The following CAMK1D variants were observed in gnomAD, a reference collection of about 807,000 sequenced individuals.
The protein encoded by CAMK1D is calcium/calmodulin dependent protein kinase ID, also known as calcium/calmodulin-dependent protein kinase type 1D.
Under a neutral mutation model 47.7 loss-of-function variants are expected in CAMK1D, and 9 were observed. The ratio of observed to expected loss-of-function variants is 0.19; its 90% CI spans 0.11 to 0.33. The LOEUF is 0.33. Among genes scored for constraint, CAMK1D ranks in the 10% least tolerant of loss-of-function variants. The probability of loss-of-function intolerance (pLI) is 1.00; values close to 1 mark genes in which losing one functional copy is unlikely to be tolerated. For missense variants in CAMK1D, 291 were observed against 488.7 expected (o/e 0.60, Z 3.81); for synonymous variants, 184 against 184.9 (o/e 0.99, Z 0.04).
In CAMK1D at chr10:12,349,795, T is replaced by A. The variant is rs1468015735; in HGVS notation, c.-24T>A. On this transcript the variant is annotated 5_prime_UTR_variant, in exon 1 of 11. Transcript: ENST00000619168. Reference sequence around the variant, plus strand: ...CCCTCCCCAGCGCGCCCCCGGCCGCTCCTCCGCGCCGCGCTCGTCGGCCAT... The same window carrying A: ...CCCTCCCCAGCGCGCCCCCGGCCGCACCTCCGCGCCGCGCTCGTCGGCCAT... The A allele has an allele frequency of 2.3e-6, 3 of 1,320,794 alleles. No individual in the cohort carries two copies. The highest frequency in any genetic ancestry group is 3.0e-6 in the Non-Finnish European group (3 of 1,008,934). 81.8% of individuals were successfully genotyped at this position (1,320,794 alleles called of 1,614,324 possible).
chr10:12,822,988 G>A (rs968783555), intron 8 of CAMK1D, among the ~76,000 whole-genome samples: 19 of 152,184 alleles, frequency 1.2e-4, no homozygotes, highest in Non-Finnish European at 2.5e-4. Flanking sequence ...AAAAGGTGGT[G>A]GGGGAGAGTT....
chr10:12,769,814 T>C lies in CAMK1D; in HGVS notation c.565+15T>C. 1.2e-6 allele frequency: 2 copies of C among 1,613,664 alleles called. No individual in the cohort carries two copies. ...AGGCTATGTCGGTAAGGACAGTGCA[T>C]GTGCACACATGTGCCCGTGTGTGTG... On this transcript the variant is annotated intron_variant, in intron 5 of 10. Transcript: ENST00000619168.
At chr10:12,719,976 C>A in intron 3 of CAMK1D, among the ~76,000 whole-genome samples, 1 of 152,180 alleles carries the variant, frequency 6.6e-6, no homozygotes, top group East Asian at 1.9e-4. Flanking sequence ...CTGGGCCCTG[C>A]CTTCTGAGAT....
Position 12,816,211 on chromosome 10 carries a change from G to T in CAMK1D, c.755-39G>T, listed in dbSNP as rs377252151. ...GGATCATATTGTCACATCTCAAGTCGCAAAGTGATTCCTTCCCTTGTGCCT... is the reference window on the plus strand; with the variant it reads ...GGATCATATTGTCACATCTCAAGTCTCAAAGTGATTCCTTCCCTTGTGCCT... On this transcript the variant is annotated intron_variant, in intron 7 of 10. Transcript: ENST00000619168. 38 of 1,571,546 alleles carry T rather than the reference G, an allele frequency of 2.4e-5. No individual in the cohort carries two copies. In the East Asian group the frequency reaches 8.5e-4, roughly 35 times the overall value.
intron 6 of CAMK1D, among the ~76,000 whole-genome samples, chr10:12,792,226 A>G (rs942013718): frequency 6.6e-6 from 1 of 152,200 alleles, no homozygotes; most frequent in Non-Finnish European, 1.5e-5. Context: ...TCTTATCTCC[A>G]TAACCCAGGA....
chr10:12,525,306 C>T (rs1588591656), intron 1 of CAMK1D, among the ~76,000 whole-genome samples: 2 of 152,110 alleles, frequency 1.3e-5, no homozygotes, highest in Non-Finnish European at 2.9e-5. Context: ...TTCTTTCTTT[C>T]AATATTTTTT....
intron 1 of CAMK1D, among the ~76,000 whole-genome samples, chr10:12,378,895 C>T (rs1431516173): frequency 2.7e-5 from 4 of 150,790 alleles, no homozygotes; most frequent in African/African-American, 9.8e-5. Flanking sequence ...CTGCAACCTT[C>T]GCCTCCTGGG....
At chr10:12,556,282 CATTT>C (rs1383123785) in intron 2 of CAMK1D, among the ~76,000 whole-genome samples, 1 of 152,192 alleles carries the variant, frequency 6.6e-6, no homozygotes, top group Non-Finnish European at 1.5e-5. Flanking sequence ...GACATTCATT[CATTT>C]AACAAATATT....
intron 4 of CAMK1D, among the ~76,000 whole-genome samples, chr10:12,767,759 C>A (rs10906220): frequency 0.2 from 30,131 of 152,166 alleles, 3,057 homozygotes; most frequent in Middle Eastern, 0.3. Flanking sequence ...TGAATACACA[C>A]TTTACAGGAA....
chr10:12,530,925 C>T (rs890183816), intron 1 of CAMK1D, among the ~76,000 whole-genome samples: 15 of 152,036 alleles, frequency 9.9e-5, no homozygotes, highest in East Asian at 1.9e-4. Context: ...AGTGTGATGG[C>T]GGGCGCCTGT....
At chr10:12,824,760 A>G (rs1170302038) in intron 9 of CAMK1D, among the ~76,000 whole-genome samples, 8 of 152,216 alleles carry the variant, frequency 5.3e-5, no homozygotes, top group Non-Finnish European at 1.2e-4. Flanking sequence ...AAAGACAGCA[A>G]TAGTGCCAGC....
chr10:12,425,266 T>TTC (rs1337707770), intron 1 of CAMK1D, among the ~76,000 whole-genome samples: 2 of 149,988 alleles, frequency 1.3e-5, no homozygotes, highest in Admixed American at 6.6e-5. Flanking sequence ...CCCCTTTCTT[T>TTC]TCTTTCTTTC....
chr10:12,764,381 C>CAAAAAAAAAAACAAAA (rs1836645893), intron 4 of CAMK1D, among the ~76,000 whole-genome samples: 2 of 77,984 alleles, frequency 2.6e-5, no homozygotes, highest in South Asian at 6.6e-4. Flanking sequence ...CACTTTGTCT[C>CAAAAAAAAAAACAAAA]AAAAAAAAAA....
chr10:12,806,883 T>C (rs1838756307), intron 6 of CAMK1D, among the ~76,000 whole-genome samples: 1 of 152,154 alleles, frequency 6.6e-6, no homozygotes, highest in Admixed American at 6.5e-5. Flanking sequence ...GTGGGGACTT[T>C]GGGGCTGTGG....
intron 2 of CAMK1D, among the ~76,000 whole-genome samples, chr10:12,638,691 G>T (rs935663227): frequency 6.6e-6 from 1 of 152,288 alleles, no homozygotes; most frequent in Non-Finnish European, 1.5e-5. Context: ...CATAGCCATA[G>T]CCCCAGAGTG....
chr10:12,758,562 C>A (rs544591696), intron 3 of CAMK1D, among the ~76,000 whole-genome samples: 2 of 152,306 alleles, frequency 1.3e-5, no homozygotes, highest in Non-Finnish European at 2.9e-5. Flanking sequence ...TACATGCTAT[C>A]CTTTGATGCT....
At chr10:12,756,994 T>C (rs185237558) in intron 3 of CAMK1D, among the ~76,000 whole-genome samples, 1 of 152,336 alleles carries the variant, frequency 6.6e-6, no homozygotes, top group Non-Finnish European at 1.5e-5. Flanking sequence ...AACCTCAAAG[T>C]TGGAATTCAG....
At chr10:12,639,571 T>C (rs994545264) in intron 2 of CAMK1D, among the ~76,000 whole-genome samples, 3 of 151,944 alleles carry the variant, frequency 2.0e-5, no homozygotes, top group African/African-American at 4.8e-5. Flanking sequence ...ATTTAATTTT[T>C]CCCCCCAAAC....
chr10:12,801,325 CTATCTATCTATCTATCTATCTATCTATCT>C lies in CAMK1D; in HGVS notation c.641+10122_641+10150del, dbSNP rs1398647250. Among the ~76,000 whole-genome samples the C allele has an allele frequency of 1.0e-3, 119 of 114,920 alleles. 1 individual carries two copies. Among genetic ancestry groups the C allele is most frequent in the African/African-American group, 3.9e-3 (99 of 25,132 alleles). The allele number at this position is 114,920 out of a possible 152,430, so 75.4% of individuals were successfully genotyped here. On this transcript the variant is annotated intron_variant, in intron 6 of 10. Coordinates refer to ENST00000619168, the MANE Select transcript of CAMK1D (RefSeq NM_153498.4). ...TCTATCTATCTATCTATCTATCTAT[CTATCTATCTATCTATCTATCTATCTATCT>C]TATCTATCTATCTATCTATCTATCT...
Sources: allele counts gnomAD v4.1 joint callset (sites outside exome capture counted in the v4.1 genomes callset), GRCh38; gene constraint gnomAD v4.1.1; transcripts MANE v1.5; gene names NCBI Gene and HGNC (gene_info 2026-07-23, HGNC 2026-07-21).